FRMD6: variants seen among roughly 807,000 people sequenced by gnomAD.
FRMD6 encodes FERM domain-containing protein 6.
Under a neutral mutation model 73.2 loss-of-function variants are expected in FRMD6, and 37 were observed. The ratio of observed to expected loss-of-function variants is 0.51; its 90% confidence interval spans 0.39 to 0.66. The LOEUF (loss-of-function observed/expected upper bound fraction) is 0.66. FRMD6 is among the 30% of genes least tolerant of loss of function. The probability of loss-of-function intolerance (pLI) is 0.00; values close to 1 mark genes in which losing one functional copy is unlikely to be tolerated. For synonymous variants in FRMD6, 273 were observed against 282.2 expected, an observed-to-expected ratio of 0.97 and a Z score of 0.33; for missense variants, 714 against 780.5, an observed-to-expected ratio of 0.91 and a Z score of 1.02.
chr14:51,577,217 A>G (rs1943841500), intron 2 of FRMD6, among the ~76,000 whole-genome samples: 1 of 152,156 alleles, frequency 6.6e-6, no homozygotes, highest in South Asian at 2.1e-4. Context: ...GTAGCTAAAA[A>G]GGGCTTAGGA....
chr14:51,700,012 C>G (rs767339416), intron 3 of FRMD6, among the ~76,000 whole-genome samples: 1 of 151,870 alleles, frequency 6.6e-6, no homozygotes, highest in African/African-American at 2.4e-5. Flanking sequence ...TTATAACCAA[C>G]GAGTAACTTT....
chr14:51,397,843 G>A, the FRMD6 span, among the ~76,000 whole-genome samples: 4 of 152,228 alleles, frequency 2.6e-5, no homozygotes, highest in East Asian at 5.8e-4. Flanking sequence ...TGTTTATAAG[G>A]TGTATATGAA....
chr14:51,437,087 C>T, the FRMD6 span: 1 of 358,516 alleles, frequency 2.8e-6, no homozygotes, highest in Non-Finnish European at 5.2e-6. Context: ...CTGCACCCAT[C>T]AACTCATCAT....
chr14:51,551,716 G>A lies in FRMD6; in HGVS notation c.-209-18632G>A, dbSNP rs191962491. On this transcript the variant is annotated intron_variant, in intron 1 of 14. Coordinates refer to the FRMD6 transcript ENST00000356218. ...CAGGCCACTGCACTCCAGCCTGGGTGACAAAATGAGACCTCTTTAGAAAAA... is the reference window on the plus strand; with the variant it reads ...CAGGCCACTGCACTCCAGCCTGGGTAACAAAATGAGACCTCTTTAGAAAAA... 4.4e-3 allele frequency among the ~76,000 whole-genome samples: 668 copies of A among 151,902 alleles called. 1 individual carries two copies. Among genetic ancestry groups the A allele is most frequent in the Non-Finnish European group, 6.8e-3 (465 of 67,956 alleles).
intron 1 of FRMD6, among the ~76,000 whole-genome samples, chr14:51,666,908 G>A (rs965953747): frequency 4.6e-5 from 7 of 152,196 alleles, no homozygotes; most frequent in Admixed American, 2.6e-4. Flanking sequence ...GCTGAGGCAA[G>A]CGCTTTGCTG....
At chr14:51,492,775 A>T (rs1288161802) in intron 1 of FRMD6, among the ~76,000 whole-genome samples, 4 of 152,254 alleles carry the variant, frequency 2.6e-5, no homozygotes, top group African/African-American at 9.6e-5. Flanking sequence ...TAATCATGAC[A>T]GAACCTGGCA....
At chr14:51,399,224 A>C in the FRMD6 span, among the ~76,000 whole-genome samples, 1 of 152,216 alleles carries the variant, frequency 6.6e-6, no homozygotes, top group East Asian at 1.9e-4. Context: ...TGCATTCAGC[A>C]GGTCTTCCTT....
chr14:51,521,930 T>C (rs1422366201), intron 1 of FRMD6, among the ~76,000 whole-genome samples: 1 of 152,156 alleles, frequency 6.6e-6, no homozygotes, highest in Non-Finnish European at 1.5e-5. Context: ...CACATCTGGT[T>C]TCAGGCTACA....
intron 1 of FRMD6, among the ~76,000 whole-genome samples, chr14:51,545,364 C>T (rs150137017): frequency 1.3e-4 from 20 of 152,146 alleles, no homozygotes; most frequent in East Asian, 5.8e-4. Context: ...GTAGTACAAA[C>T]GGGTTTACAA....
chr14:51,587,857 G>A (rs562673089), intron 2 of FRMD6, among the ~76,000 whole-genome samples: 34 of 152,100 alleles, frequency 2.2e-4, no homozygotes, highest in Non-Finnish European at 4.4e-4. Flanking sequence ...TCCTACTGAC[G>A]TTAGCGGCAA....
At chr14:51,524,537 G>GGC (rs1267127992) in intron 1 of FRMD6, among the ~76,000 whole-genome samples, 1 of 137,250 alleles carries the variant, frequency 7.3e-6, no homozygotes, top group Admixed American at 7.0e-5. Flanking sequence ...TTTTTATGAC[G>GGC]GGGGGGGTCT....
intron 1 of FRMD6, among the ~76,000 whole-genome samples, chr14:51,519,217 T>G (rs905747757): frequency 2.4e-5 from 3 of 125,620 alleles, no homozygotes; most frequent in African/African-American, 9.1e-5. Flanking sequence ...CAGGCTGGAG[T>G]GCAGTGGCAC....
chr14:51,700,416 G>A (rs1262470613), intron 3 of FRMD6, among the ~76,000 whole-genome samples: 2 of 151,944 alleles, frequency 1.3e-5, no homozygotes, highest in African/African-American at 4.8e-5. Context: ...GGGATGTTTT[G>A]GCATCCATAC....
At chr14:51,510,573 G>C (rs1240841443) in intron 1 of FRMD6, among the ~76,000 whole-genome samples, 3 of 152,128 alleles carry the variant, frequency 2.0e-5, no homozygotes, top group Non-Finnish European at 4.4e-5. Context: ...CCTCGTGAAG[G>C]AGAGCTCTGT....
chr14:51,627,385 G>A (rs1219710252), intron 2 of FRMD6, among the ~76,000 whole-genome samples: 1 of 152,158 alleles, frequency 6.6e-6, no homozygotes, highest in Admixed American at 6.5e-5. Context: ...TGAAAGATAA[G>A]GTTTTCCTTG....
In FRMD6 at chr14:51,528,454, C is replaced by T. The variant is rs137973413; in HGVS notation, c.-210+39034C>T. Reference sequence around the variant, plus strand: ...GCTCCCACAACTATAAGATGAGGAACTTTAGCTATATCTCTAATCTTCCGT... The same window carrying T: ...GCTCCCACAACTATAAGATGAGGAATTTTAGCTATATCTCTAATCTTCCGT... On this transcript the variant is annotated intron_variant, in intron 1 of 14. Coordinates refer to the FRMD6 transcript ENST00000356218. 9.5e-4 allele frequency among the ~76,000 whole-genome samples: 145 copies of T among 152,254 alleles called. 1 individual carries two copies. The Middle Eastern group carries it at 0.014, about 14-fold the overall frequency.
upstream of FRMD6, among the ~76,000 whole-genome samples, chr14:51,487,057 C>A (rs1399199578): frequency 6.6e-6 from 1 of 151,752 alleles, no homozygotes; most frequent in Non-Finnish European, 1.5e-5. Context: ...CCTACTGCAT[C>A]AGAAACTCTC....
chr14:51,637,362 A>C (rs1891611994), intron 2 of FRMD6: 1 of 152,112 alleles, frequency 6.6e-6, no homozygotes, highest in South Asian at 2.1e-4. Context: ...TGAAAAATTG[A>C]TTTTATTCTG....
At chr14:51,536,119 G>T (rs2140351557) in intron 1 of FRMD6, among the ~76,000 whole-genome samples, 1 of 148,038 alleles carries the variant, frequency 6.8e-6, no homozygotes, top group East Asian at 2.0e-4. Flanking sequence ...GAGAGAAACA[G>T]GGTCTCACCC....
Sources: gnomAD v4.1 joint callset for allele counts (sites outside exome capture counted in the v4.1 genomes callset) on GRCh38, gnomAD v4.1.1 for gene constraint, MANE v1.5 for transcripts, NCBI Gene and HGNC (gene_info 2026-07-23, HGNC 2026-07-21) for gene names.